Variants in OGFOD3 observed in about 807,000 individuals in gnomAD.
OGFOD3 encodes the protein 2-oxoglutarate and iron dependent oxygenase domain containing 3, also known as 2-oxoglutarate and iron-dependent oxygenase domain-containing protein 3.
A neutral mutation model predicts 39.8 loss-of-function variants in OGFOD3; 35 were observed. The ratio of observed to expected loss-of-function variants is 0.88; its 90% confidence interval spans 0.67 to 1.17. The LOEUF is 1.17. Ranked by LOEUF, OGFOD3 falls within the 50% of genes most tolerant of loss-of-function variation. The probability of loss-of-function intolerance (pLI) is 0.00; values close to 1 mark genes in which losing one functional copy is unlikely to be tolerated. For missense variants in OGFOD3, 438 were observed against 454.5 expected (o/e 0.96, Z 0.33); for synonymous variants, 200 against 192.0 (o/e 1.04, Z -0.34).
chr17:82,395,466 G>A (rs566957754), intron 8 of OGFOD3, among the ~76,000 whole-genome samples: 1 of 152,312 alleles, frequency 6.6e-6, no homozygotes, highest in Non-Finnish European at 1.5e-5. Context: ...CCGAACACAG[G>A]ACTCTGCCTT....
intron 3 of OGFOD3, among the ~76,000 whole-genome samples, chr17:82,410,226 C>G (rs762728410): frequency 3.3e-5 from 5 of 152,254 alleles, no homozygotes; most frequent in Non-Finnish European, 7.3e-5. Flanking sequence ...CTCAGTCAGA[C>G]AGCAGTAACC....
chr17:82,413,865 G>C (rs1244318612), intron 2 of OGFOD3, among the ~76,000 whole-genome samples: 2 of 140,866 alleles, frequency 1.4e-5, no homozygotes, highest in Non-Finnish European at 3.0e-5. Context: ...AACACAGTGA[G>C]TGACACTCTG....
chr17:82,398,313 A>G lies in OGFOD3; in HGVS notation c.706T>C (p.Tyr236His). ...YWHAHVDKVTYGSFDYTSLLY... is the reference protein window; with the variant it reads ...YWHAHVDKVTHGSFDYTSLLY... ...AGCGAGGTGTAGTCGAAGGAGCCGT[A>G]GGTCACCTGAGGGCAGAGCCGGGAG... The change falls in exon 8 of 9, where the codon TAC (tyrosine) becomes CAC (histidine). Residue 236 changes from tyrosine to histidine, a missense_variant. Transcript: ENST00000313056. The G allele has an allele frequency of 6.2e-7, 1 of 1,614,018 alleles. No homozygotes were observed. Among genetic ancestry groups the G allele is most frequent in the Non-Finnish European group, 8.5e-7 (1 of 1,179,946 alleles).
chr17:82,410,406 C>T (rs1232881282), intron 3 of OGFOD3, among the ~76,000 whole-genome samples: 2 of 152,362 alleles, frequency 1.3e-5, no homozygotes, highest in East Asian at 1.9e-4. Flanking sequence ...TTTAAGATCT[C>T]AGTAAGAAAA....
Position 82,418,402 on chromosome 17 carries a change from T to C in OGFOD3, c.74+10A>G. ...GCCGCAGCGCGCGCCCTTCCCCTCC[T>C]CACCGCTACCTGCTCCGGTTCCGGC... On this transcript the variant is annotated intron_variant, in intron 1 of 8. Transcript: ENST00000313056. The C allele has an allele frequency of 6.8e-7, 1 of 1,471,474 alleles. No homozygotes were observed. The highest frequency in any genetic ancestry group is 9.0e-7 in the Non-Finnish European group (1 of 1,115,486). 91.2% of individuals were successfully genotyped at this position (1,471,474 alleles called of 1,614,324 possible).
rs774891615 is a variant in OGFOD3 at position 82,391,988 on chromosome 17, GA to G, written c.*409del. ...TTTGCTGATGCCGAGACCCCGAACA[GA>G]AGCTGCTGGCCCCACGTTTGTCCCC... On this transcript the variant is annotated 3_prime_UTR_variant, in exon 9 of 9. Transcript: ENST00000313056. This position sits in a 1 kb window ranked among gnomAD's most constrained non-coding sequence, Gnocchi z 5.1. 7.1e-4 allele frequency: 126 copies of G among 178,616 alleles called. No homozygotes were observed. Among genetic ancestry groups the G allele is most frequent in the Non-Finnish European group, 1.2e-3 (105 of 85,688 alleles). The allele number at this position is 178,616 out of a possible 1,614,324, so 11.1% of individuals were successfully genotyped here.
chr17:82,400,263 GC>G (rs1009701814), intron 7 of OGFOD3, among the ~76,000 whole-genome samples: 8 of 143,320 alleles, frequency 5.6e-5, no homozygotes, highest in African/African-American at 2.1e-4. Context: ...CATGGGCTTT[GC>G]CCCCTCCAGG....
In OGFOD3 at chr17:82,403,940, G is replaced by A. The variant is rs373821436; in HGVS notation, c.696C>T (p.Asp232=). ...AHDEYWHAHV[D]KVTYGSFDYT... ...CCCTGCCCACGGGCGCGCTCACCTTGTCCACGTGCGCATGCCAGTACTCGT... is the reference window on the plus strand; with the variant it reads ...CCCTGCCCACGGGCGCGCTCACCTTATCCACGTGCGCATGCCAGTACTCGT... Residue 232 remains aspartate, a synonymous_variant, in exon 7 of 9, where the codon GAC becomes GAT. Coordinates refer to ENST00000313056, the MANE Select transcript of OGFOD3 (RefSeq NM_024648.3). 4.4e-6 allele frequency: 7 copies of A among 1,602,538 alleles called. No individual in the cohort carries two copies. In the African/African-American group the frequency reaches 8.0e-5, roughly 18 times the overall value.
intron 3 of OGFOD3, among the ~76,000 whole-genome samples, chr17:82,410,142 C>T (rs2052920652): frequency 6.6e-6 from 1 of 152,334 alleles, no homozygotes; most frequent in South Asian, 2.1e-4. Context: ...CTGTGCTGGA[C>T]CACAGAGGAC....
In OGFOD3 at chr17:82,390,167, A is replaced by G. The variant is rs1464988613; in HGVS notation, c.*2231T>C. 6.6e-6 allele frequency: 1 copy of G among 152,272 alleles called. No homozygotes were observed. The highest frequency in any genetic ancestry group is 1.9e-4 in the East Asian group (1 of 5,202). 9.4% of individuals were successfully genotyped at this position (152,272 alleles called of 1,614,324 possible). Reference sequence around the variant, plus strand: ...TTTCAAAAGCACTTTAACCCATAACAAACCCAACACCCACTTTCTTCAAAT... The same window carrying G: ...TTTCAAAAGCACTTTAACCCATAACGAACCCAACACCCACTTTCTTCAAAT... On this transcript the variant is annotated 3_prime_UTR_variant, in exon 9 of 9. Coordinates refer to ENST00000313056, the MANE Select transcript of OGFOD3 (RefSeq NM_024648.3). The surrounding 1 kb of genome is among the most constrained non-coding windows in gnomAD (Gnocchi z 4.9).
intron 7 of OGFOD3, among the ~76,000 whole-genome samples, chr17:82,403,232 G>A (rs2052794662): frequency 6.6e-6 from 1 of 152,236 alleles, no homozygotes; most frequent in South Asian, 2.1e-4. Flanking sequence ...CGTGTGGGCC[G>A]GGTTCTCCAC....
chr17:82,408,963 G>A (rs1055480071), intron 4 of OGFOD3, among the ~76,000 whole-genome samples: 6 of 152,140 alleles, frequency 3.9e-5, no homozygotes, highest in Admixed American at 1.3e-4. Context: ...GCGTTGCAGC[G>A]TGTCTGTCCC....
In OGFOD3 at chr17:82,394,769, C is replaced by T. The variant is rs967286548; in HGVS notation, c.824-2235G>A. Among the ~76,000 whole-genome samples, 3 of 152,188 alleles carry T rather than the reference C, an allele frequency of 2.0e-5. No homozygotes were observed. The East Asian group carries it at 5.8e-4, about 29-fold the overall frequency. ...AGTGTCACTTATGGTGGGACGTGGG[C>T]CACAGAGCAGCAGCTCAGCATCCAG... On this transcript the variant is annotated intron_variant, in intron 8 of 8. Transcript: ENST00000313056.
chr17:82,395,593 G>A (rs923651826), intron 8 of OGFOD3, among the ~76,000 whole-genome samples: 5 of 152,092 alleles, frequency 3.3e-5, no homozygotes, highest in Admixed American at 2.6e-4. Flanking sequence ...AGGCCGAGGC[G>A]GGTGGATCAC....
chr17:82,396,176 C>T (rs1272242151), intron 8 of OGFOD3, among the ~76,000 whole-genome samples: 1 of 151,230 alleles, frequency 6.6e-6, no homozygotes, highest in Non-Finnish European at 1.5e-5. Context: ...CGCAGGTAAA[C>T]ACATAGATAC....
Position 82,392,316 on chromosome 17 carries a change from G to T in OGFOD3, c.*82C>A. On this transcript the variant is annotated 3_prime_UTR_variant, in exon 9 of 9. Coordinates refer to ENST00000313056, the MANE Select transcript of OGFOD3 (RefSeq NM_024648.3). This position sits in a 1 kb window ranked among gnomAD's most constrained non-coding sequence, Gnocchi z 4.2. Reference sequence around the variant, plus strand: ...CTAAGGCACTCTGTGCAACAGGAGCGGGTGGACGTGGGGGTGGGTGCACGA... The same window carrying T: ...CTAAGGCACTCTGTGCAACAGGAGCTGGTGGACGTGGGGGTGGGTGCACGA... The T allele has an allele frequency of 6.9e-7, 1 of 1,443,952 alleles. No homozygotes were observed. Among genetic ancestry groups the T allele is most frequent in the Non-Finnish European group, 9.4e-7 (1 of 1,058,428 alleles). 89.4% of individuals were successfully genotyped at this position (1,443,952 alleles called of 1,614,324 possible).
At position 82,412,375 on chromosome 17, in the gene OGFOD3, G is replaced by T. The variant is rs559908657; in HGVS notation, c.305-845C>A. 1.5e-3 allele frequency among the ~76,000 whole-genome samples: 183 copies of T among 118,704 alleles called. 2 individuals are homozygous for T. The highest frequency in any genetic ancestry group is 2.9e-3 in the African/African-American group (88 of 29,988). 77.9% of individuals were successfully genotyped at this position (118,704 alleles called of 152,430 possible). On this transcript the variant is annotated intron_variant, in intron 2 of 8. Coordinates refer to ENST00000313056, the MANE Select transcript of OGFOD3 (RefSeq NM_024648.3). Reference sequence around the variant, plus strand: ...GCATGGTTATCGGGGCAGGGGCATGGTTATCGGGGCAGGGGCATGGTTATC... The same window carrying T: ...GCATGGTTATCGGGGCAGGGGCATGTTTATCGGGGCAGGGGCATGGTTATC...
In OGFOD3 at chr17:82,404,560, C is replaced by T. The variant is rs143869303; in HGVS notation, c.546-470G>A. Among the ~76,000 whole-genome samples the T allele has an allele frequency of 1.8e-3, 270 of 151,892 alleles. No homozygotes were observed. The highest frequency in any genetic ancestry group is 3.4e-3 in the African/African-American group (140 of 41,412). ...TCTGTACTGGGGACAAAGGGACTCT[C>T]GCTCAGAAGACCCCATGTGCCAGGC... is the stretch of plus-strand genomic sequence containing the variant. On this transcript the variant is annotated intron_variant, in intron 6 of 8. Transcript: ENST00000313056. This position sits in a 1 kb window ranked among gnomAD's most constrained non-coding sequence, Gnocchi z 4.5.
chr17:82,395,632 T>G (rs961612466), intron 8 of OGFOD3, among the ~76,000 whole-genome samples: 1 of 152,022 alleles, frequency 6.6e-6, no homozygotes, highest in Non-Finnish European at 1.5e-5. Flanking sequence ...CCATTCTGGC[T>G]AACACGGTGA....
Sources: allele counts gnomAD v4.1 joint callset (sites outside exome capture counted in the v4.1 genomes callset), GRCh38; gene constraint gnomAD v4.1.1; non-coding constraint Gnocchi (gnomAD v3.1); transcripts MANE v1.5; gene names NCBI Gene and HGNC (gene_info 2026-07-23, HGNC 2026-07-21).